Variants in LRBA observed in about 807,000 individuals in gnomAD.
The protein encoded by LRBA is lipopolysaccharide-responsive and beige-like anchor protein.
LRBA carries 176 observed loss-of-function variants against 330.0 expected under a neutral mutation model. That is an observed-to-expected ratio of 0.53 (90% CI 0.47 to 0.60). The LOEUF is 0.60. LRBA is among the 20% of genes least tolerant of loss of function. The probability of loss-of-function intolerance (pLI) is 0.00; values close to 1 mark genes in which losing one functional copy is unlikely to be tolerated. For missense variants in LRBA, 3,259 were observed against 3,444.8 expected (o/e 0.95, Z 1.35); for synonymous variants, 1,230 against 1,193.0 (o/e 1.03, Z -0.64).
At chr4:150,480,668 T>C (rs961565625) in intron 42 of LRBA, among the ~76,000 whole-genome samples, 3 of 152,164 alleles carry the variant, frequency 2.0e-5, no homozygotes, top group Admixed American at 6.5e-5. Flanking sequence ...CTTTCAATAA[T>C]TGTGATTGGA....
chr4:150,727,163 T>C (rs1440365371), intron 36 of LRBA, among the ~76,000 whole-genome samples: 2 of 144,064 alleles, frequency 1.4e-5, no homozygotes, highest in African/African-American at 5.0e-5. Context: ...AACCTCCATC[T>C]TCCACGTTCA....
In LRBA at chr4:150,423,157, G is replaced by A. The variant is rs977432861; in HGVS notation, c.7042-7567C>T. On this transcript the variant is annotated intron_variant, in intron 46 of 56. Coordinates refer to ENST00000651943, the MANE Select transcript of LRBA (RefSeq NM_001364905.1). ...ACCACCAAAGTACAGGACCAACCTC[G>A]GGGCAGGGTCCCTCCGGTCCCCCTT... The A allele has an allele frequency of 2.1e-5, 25 of 1,171,322 alleles. No homozygotes were observed. The East Asian group carries it at 4.0e-4, about 19-fold the overall frequency. The allele number at this position is 1,171,322 out of a possible 1,614,324, so 72.6% of individuals were successfully genotyped here. A position where few individuals can be genotyped will look rare whatever the true frequency, so the allele number is the denominator to read the frequency against.
At chr4:150,810,328 G>C (rs1030274234) in intron 31 of LRBA, among the ~76,000 whole-genome samples, 14 of 152,268 alleles carry the variant, frequency 9.2e-5, no homozygotes, top group Non-Finnish European at 1.0e-4. Flanking sequence ...CCACCCCTTA[G>C]AGTGAGCACA....
chr4:150,894,218 T>A (rs1430460582), intron 16 of LRBA, among the ~76,000 whole-genome samples: 1 of 152,214 alleles, frequency 6.6e-6, no homozygotes, highest in African/African-American at 2.4e-5. Flanking sequence ...ATATTATGTA[T>A]CATTTCTTAA....
chr4:150,945,218 T>C (rs1209887356), intron 2 of LRBA, among the ~76,000 whole-genome samples: 4 of 152,192 alleles, frequency 2.6e-5, no homozygotes, highest in Admixed American at 6.5e-5. Context: ...AGTACCTATA[T>C]AAATATCTTC....
intron 17 of LRBA, among the ~76,000 whole-genome samples, chr4:150,886,816 C>T (rs189292552): frequency 3.3e-5 from 5 of 152,260 alleles, no homozygotes; most frequent in African/African-American, 2.4e-5. Context: ...TAGAAGATTA[C>T]GCAACATACA....
chr4:150,991,667 G>A (rs1290799789), intron 2 of LRBA, among the ~76,000 whole-genome samples: 1 of 152,122 alleles, frequency 6.6e-6, no homozygotes, highest in Non-Finnish European at 1.5e-5. Context: ...ATGGGGAAGA[G>A]AGAAATGACT....
chr4:150,914,636 C>A (rs1054874708), intron 8 of LRBA, among the ~76,000 whole-genome samples: 1 of 152,076 alleles, frequency 6.6e-6, no homozygotes, highest in Non-Finnish European at 1.5e-5. Context: ...CTTCACCTAT[C>A]TGTAAAATGA....
intron 37 of LRBA, among the ~76,000 whole-genome samples, chr4:150,639,807 GTGTGTGTGTGTGTATATATATATA>G (rs1778413688): frequency 0.011 from 167 of 14,864 alleles, 40 homozygotes; most frequent in Non-Finnish European, 0.012. Flanking sequence ...ATATATATAT[GTGTGTGTGTGTGTATATATATATA>G]TATATATATA....
intron 40 of LRBA, among the ~76,000 whole-genome samples, chr4:150,547,170 TTAAAA>T (rs1288142932): frequency 6.6e-6 from 1 of 152,162 alleles, no homozygotes; most frequent in African/African-American, 2.4e-5. Flanking sequence ...ATATACACAC[TTAAAA>T]TGAAATCTGA....
In LRBA at chr4:150,711,596, G is replaced by C. The variant is rs71618351; in HGVS notation, c.5754+23662C>G. Among the ~76,000 whole-genome samples, 734 of 152,204 alleles carry C rather than the reference G, an allele frequency of 4.8e-3. 1 individual carries two copies. The highest frequency in any genetic ancestry group is 8.4e-3 in the Non-Finnish European group (574 of 67,994). Reference sequence around the variant, plus strand: ...AGAGTTGTATTTTTAAAATAGCATTGTCAGGTATGTCAAAGCAAAGTGCCA... The same window carrying C: ...AGAGTTGTATTTTTAAAATAGCATTCTCAGGTATGTCAAAGCAAAGTGCCA... On this transcript the variant is annotated intron_variant, in intron 36 of 56. Transcript: ENST00000651943.
At chr4:150,801,212 CT>C (rs1741563540) in intron 33 of LRBA, among the ~76,000 whole-genome samples, 1 of 152,004 alleles carries the variant, frequency 6.6e-6, no homozygotes, top group East Asian at 1.9e-4. Flanking sequence ...CCATATTTTC[CT>C]GGTTTTGAAG....
chr4:150,931,381 G>T (rs1678339325), intron 2 of LRBA, among the ~76,000 whole-genome samples: 1 of 150,698 alleles, frequency 6.6e-6, no homozygotes, highest in African/African-American at 2.4e-5. Context: ...GTTATTATAA[G>T]TTTTATAATT....
intron 2 of LRBA, among the ~76,000 whole-genome samples, chr4:151,006,620 T>C (rs902087537): frequency 4.6e-5 from 7 of 152,128 alleles, no homozygotes; most frequent in African/African-American, 1.7e-4. Flanking sequence ...AAAGTGAATA[T>C]AATAGATTAG....
chr4:150,277,858 G>T lies in LRBA; in HGVS notation c.8463C>A (p.Asp2821Glu), dbSNP rs1747003765. The change falls in exon 56 of 57, where the codon GAC (aspartate) becomes GAA (glutamate). Residue 2821 changes from aspartate to glutamate, a missense_variant. By Grantham distance (45) the Asp-to-Glu change is conservative. Transcript: ENST00000651943. ...GCCCATGATTCCAGTGTTACCTCTG[G>T]TCGTAAGACAGCGCCATGGCCCGGA... ...AGIRAMALSY[D>E]QRCIISGMAS... 6.2e-7 allele frequency: 1 copy of T among 1,613,968 alleles called. No homozygotes were observed. Among genetic ancestry groups the T allele is most frequent in the Non-Finnish European group, 8.5e-7 (1 of 1,179,958 alleles).
chr4:150,620,183 G>C (rs1024619001), intron 37 of LRBA, among the ~76,000 whole-genome samples: 1 of 151,812 alleles, frequency 6.6e-6, no homozygotes, highest in African/African-American at 2.4e-5. Context: ...ATATACAAAT[G>C]GCCAACAAAC....
chr4:150,538,408 T>C (rs1764916798), intron 40 of LRBA, among the ~76,000 whole-genome samples: 5 of 151,886 alleles, frequency 3.3e-5, no homozygotes. Flanking sequence ...AACAGTGGGG[T>C]TGATAAAGGA....
intron 2 of LRBA, among the ~76,000 whole-genome samples, chr4:150,939,481 T>C (rs938639212): frequency 1.3e-5 from 2 of 152,148 alleles, no homozygotes; most frequent in African/African-American, 2.4e-5. Flanking sequence ...TTCTCACAAT[T>C]CTCAGAACCA....
At chr4:150,546,128 T>C (rs571159618) in intron 40 of LRBA, among the ~76,000 whole-genome samples, 25 of 152,302 alleles carry the variant, frequency 1.6e-4, no homozygotes, top group African/African-American at 5.8e-4. Flanking sequence ...AGTAATGCTA[T>C]TGCGATATTA....
Sources: allele counts gnomAD v4.1 joint callset (sites outside exome capture counted in the v4.1 genomes callset), GRCh38; gene constraint gnomAD v4.1.1; transcripts MANE v1.5; gene names NCBI Gene and HGNC (gene_info 2026-07-23, HGNC 2026-07-21).